Variants in KIF26B observed in about 807,000 individuals in gnomAD.
KIF26B encodes the protein kinesin-like protein KIF26B.
Under a neutral mutation model 151.2 loss-of-function variants are expected in KIF26B, and 63 were observed. The observed-to-expected ratio is 0.42, with a 90% CI of 0.34 to 0.51. The LOEUF (loss-of-function observed/expected upper bound fraction) is 0.51, where lower values mean the gene tolerates loss of function less well. Ranked by LOEUF, KIF26B falls within the 20% of genes least tolerant of loss-of-function variation. KIF26B has a pLI of 0.07. For missense variants in KIF26B, 2,813 were observed against 2,913.6 expected (o/e 0.97, Z 0.79); for synonymous variants, 1,357 against 1,262.1 (o/e 1.08, Z -1.59).
chr1:245,382,204 A>G (rs980424381), intron 3 of KIF26B, among the ~76,000 whole-genome samples: 1 of 152,066 alleles, frequency 6.6e-6, no homozygotes, highest in African/African-American at 2.4e-5. Context: ...ACGGGTTCCA[A>G]TTTCTCCATA....
chr1:245,439,992 C>T (rs1057244612), intron 4 of KIF26B, among the ~76,000 whole-genome samples: 3 of 152,274 alleles, frequency 2.0e-5, no homozygotes, highest in Non-Finnish European at 4.4e-5. Context: ...GAGGCCGAGG[C>T]GGGCAGATCA....
chr1:245,165,463 A>G (rs1482373853), intron 2 of KIF26B, among the ~76,000 whole-genome samples: 1 of 152,164 alleles, frequency 6.6e-6, no homozygotes, highest in African/African-American at 2.4e-5. Flanking sequence ...TTGAGGTGGA[A>G]TGGTCCAATG....
chr1:245,674,851 G>A (rs771796655), intron 10 of KIF26B, among the ~76,000 whole-genome samples: 8 of 152,092 alleles, frequency 5.3e-5, no homozygotes, highest in East Asian at 1.9e-4. Context: ...TGGAGAGCAC[G>A]GCCCCCAGTC....
At chr1:245,553,963 T>A (rs570456762) in intron 5 of KIF26B, among the ~76,000 whole-genome samples, 1 of 152,328 alleles carries the variant, frequency 6.6e-6, no homozygotes, top group East Asian at 1.9e-4. Context: ...CTGGAACCCA[T>A]CGTGGCTTTC....
intron 2 of KIF26B, among the ~76,000 whole-genome samples, chr1:245,357,439 G>C (rs1267351754): frequency 6.6e-6 from 1 of 152,196 alleles, no homozygotes; most frequent in African/African-American, 2.4e-5. Context: ...TCAGTGAAGG[G>C]AGACATCCCT....
At chr1:245,380,020 A>G (rs1673371320) in intron 3 of KIF26B, among the ~76,000 whole-genome samples, 1 of 151,826 alleles carries the variant, frequency 6.6e-6, no homozygotes, top group Non-Finnish European at 1.5e-5. Context: ...ACATACACCT[A>G]ATTCATTTCT....
chr1:245,158,951 C>T (rs1282666394), intron 2 of KIF26B, among the ~76,000 whole-genome samples: 2 of 152,008 alleles, frequency 1.3e-5, no homozygotes, highest in Non-Finnish European at 2.9e-5. Context: ...TATAGCCAAA[C>T]AGTTGCCATG....
chr1:245,631,162 T>C (rs1558243983), intron 9 of KIF26B, among the ~76,000 whole-genome samples: 1 of 152,220 alleles, frequency 6.6e-6, no homozygotes. Flanking sequence ...CAGTACTATG[T>C]TGAATAACAG....
intron 2 of KIF26B, among the ~76,000 whole-genome samples, chr1:245,301,974 C>G (rs1671435130): frequency 6.6e-6 from 1 of 152,204 alleles, no homozygotes; most frequent in African/African-American, 2.4e-5. Context: ...TCAGAATCCA[C>G]TTTTGTTTCA....
chr1:245,465,514 A>G (rs879746271), intron 4 of KIF26B, among the ~76,000 whole-genome samples: 1 of 152,152 alleles, frequency 6.6e-6, no homozygotes, highest in Non-Finnish European at 1.5e-5. Flanking sequence ...GGAAAGAGCC[A>G]CGGAGAAAGT....
At chr1:245,419,917 G>C (rs891392528) in intron 4 of KIF26B, among the ~76,000 whole-genome samples, 172 bp downstream of exon 4, 2 of 152,214 alleles carry the variant, frequency 1.3e-5, no homozygotes, top group African/African-American at 4.8e-5. Context: ...CCAGCTAACT[G>C]TGGTGGGGAC....
In KIF26B at chr1:245,659,803, C is replaced by T. The variant is rs556654268; in HGVS notation, c.2258+13523C>T. Among the ~76,000 whole-genome samples, 132 of 151,922 alleles carry T rather than the reference C, an allele frequency of 8.7e-4. 2 individuals carry two copies. Among genetic ancestry groups the T allele is most frequent in the Non-Finnish European group, 1.4e-3 (98 of 67,962 alleles). On this transcript the variant is annotated intron_variant, in intron 10 of 14. Transcript: ENST00000407071. Reference sequence around the variant, plus strand: ...CCTGTAATCCCAGCACTTTGAGAGCCCAAGGAGGGCGGATCATTTGAGGTG... The same window carrying T: ...CCTGTAATCCCAGCACTTTGAGAGCTCAAGGAGGGCGGATCATTTGAGGTG...
chr1:245,322,057 T>G (rs1001097262), intron 2 of KIF26B, among the ~76,000 whole-genome samples: 5 of 152,220 alleles, frequency 3.3e-5, no homozygotes, highest in African/African-American at 1.2e-4. Context: ...AAGAATGAGT[T>G]CATGTTCTTT....
In KIF26B at chr1:245,202,759, CAA is replaced by C. The variant is rs56170851; in HGVS notation, c.465+46096_465+46097del. Among the ~76,000 whole-genome samples, 592 of 45,138 alleles carry C rather than the reference CAA, an allele frequency of 0.013. 21 individuals are homozygous for C. In the East Asian group the frequency reaches 0.19, roughly 14 times the overall value. The allele number at this position is 45,138 out of a possible 152,430, so 29.6% of individuals were successfully genotyped here. A position where few individuals can be genotyped will look rare whatever the true frequency, so the allele number is the denominator to read the frequency against. On this transcript the variant is annotated intron_variant, in intron 2 of 14. Coordinates refer to ENST00000407071, the MANE Select transcript of KIF26B (RefSeq NM_018012.4). ...TGGGTGACAGAGCGAGACTCCATCT[CAA>C]AAAAAAAAAAAAAAAAAAATACACA...
rs1034436630 is a variant in KIF26B, at chr1:245,687,692, C to T, written c.4709C>T (p.Thr1570Ile). The T allele has an allele frequency of 1.9e-6, 3 of 1,581,966 alleles. No homozygotes were observed. Among genetic ancestry groups the T allele is most frequent in the Admixed American group, 1.8e-5 (1 of 56,360 alleles). The part of the protein sequence containing the change: ...ETNGVGAASG[T>I]PPSKATLEGK... The stretch of plus-strand genomic sequence containing the variant: ...AACGGGGTGGGTGCAGCCTCGGGCA[C>T]CCCGCCCTCCAAGGCTACCCTGGAG... Residue 1570 changes from threonine to isoleucine, a missense_variant, in exon 12 of 15, where the codon ACC (threonine) becomes ATC (isoleucine). Thr to Ile is a moderately conservative substitution (Grantham distance 89, BLOSUM62 -1). Coordinates refer to ENST00000407071, the MANE Select transcript of KIF26B (RefSeq NM_018012.4). The surrounding 1 kb of genome is among the most constrained non-coding windows in gnomAD (Gnocchi z 4.9).
intron 12 of KIF26B, among the ~76,000 whole-genome samples, chr1:245,696,721 G>A (rs930119438): frequency 3.9e-5 from 6 of 152,178 alleles, no homozygotes; most frequent in African/African-American, 1.2e-4. Flanking sequence ...TCCCGTGGTC[G>A]ATGTTACTTA....
chr1:245,284,557 G>C (rs1267228632), intron 2 of KIF26B, among the ~76,000 whole-genome samples: 3 of 152,156 alleles, frequency 2.0e-5, no homozygotes, highest in Admixed American at 6.5e-5. Context: ...CTGTGGGGCA[G>C]GTTTTTGTTT....
At chr1:245,398,217 C>G (rs1298302314) in intron 3 of KIF26B, among the ~76,000 whole-genome samples, 1 of 152,128 alleles carries the variant, frequency 6.6e-6, no homozygotes, top group Non-Finnish European at 1.5e-5. Context: ...TCAGGGAGTT[C>G]TGGAGGTGAG....
chr1:245,687,771 C>A lies in KIF26B; in HGVS notation c.4788C>A (p.Pro1596=). The A allele has an allele frequency of 6.3e-7, 1 of 1,581,784 alleles. No homozygotes were observed. The highest frequency in any genetic ancestry group is 2.4e-5 in the East Asian group (1 of 42,460). Residue 1596 remains proline (P), a synonymous_variant, in exon 12 of 15, where the codon CCC becomes CCA. Coordinates refer to ENST00000407071, the MANE Select transcript of KIF26B (RefSeq NM_018012.4). This position sits in a 1 kb window ranked among gnomAD's most constrained non-coding sequence, Gnocchi z 4.9. ...HCVLARPKGT[P]PLPPVRKSSL... ...TTCTGGCTCGGCCCAAAGGGACTCC[C>A]CCTCTGCCCCCTGTCCGAAAGTCCA...
Sources: gnomAD v4.1 joint callset for allele counts (sites outside exome capture counted in the v4.1 genomes callset) on GRCh38, gnomAD v4.1.1 for gene constraint, Gnocchi (gnomAD v3.1) non-coding constraint, MANE v1.5 for transcripts, NCBI Gene and HGNC (gene_info 2026-07-23, HGNC 2026-07-21) for gene names.